Variants in ZNF217 observed in about 807,000 individuals in gnomAD.
ZNF217 encodes the protein zinc finger protein 217.
A neutral mutation model predicts 73.3 loss-of-function variants in ZNF217; 12 were observed. The ratio of observed to expected loss-of-function variants is 0.16; its 90% CI spans 0.10 to 0.27. ZNF217 has a LOEUF of 0.27. Ranked by LOEUF, ZNF217 falls within the 10% of genes least tolerant of loss-of-function variation. The probability of loss-of-function intolerance (pLI) is 1.00; values close to 1 mark genes in which losing one functional copy is unlikely to be tolerated. For missense variants in ZNF217, 1,195 were observed against 1,327.8 expected, an observed-to-expected ratio of 0.90 and a Z score of 1.55; for synonymous variants, 588 against 516.4, an observed-to-expected ratio of 1.14 and a Z score of -1.88.
Position 53,576,312 on chromosome 20 carries a change from G to T in ZNF217, c.2452C>A (p.Leu818Met). The part of the protein sequence containing the change: ...IDSSTLAPSN[L>M]KSHRPQQNVG... ...TTCTGCTGTGGTCTGTGGGACTTCA[G>T]GTTACTTGGGGCTAAAGTGCTAGAG... is the stretch of plus-strand genomic sequence containing the variant. The change falls in exon 4 of 6, where the codon CTG (leucine) becomes ATG (methionine). Residue 818 changes from leucine to methionine, a missense_variant. Leu to Met is a conservative substitution (Grantham distance 15). Coordinates refer to ENST00000371471, the MANE Select transcript of ZNF217 (RefSeq NM_006526.3). 6.2e-7 allele frequency: 1 copy of T among 1,614,226 alleles called. No individual in the cohort carries two copies.
chr20:53,585,222 T>C (rs544794298), intron 1 of ZNF217, among the ~76,000 whole-genome samples: 2 of 151,528 alleles, frequency 1.3e-5, no homozygotes, highest in South Asian at 4.2e-4. Context: ...TCTACTGACA[T>C]CCTTTAGAAA....
chr20:53,575,655 C>T (rs1193942267), intron 4 of ZNF217, 72 bp downstream of exon 4: 1 of 1,416,740 alleles, frequency 7.1e-7, no homozygotes, highest in South Asian at 1.4e-5. Context: ...GTACCATCTC[C>T]ACTGAGAATG....
rs1024546278 is a variant in ZNF217 at position 53,582,984 on chromosome 20, A to C, written c.-158T>G. On this transcript the variant is annotated 5_prime_UTR_variant, in exon 2 of 6. Coordinates refer to ENST00000371471, the MANE Select transcript of ZNF217 (RefSeq NM_006526.3). The surrounding 1 kb of genome is among the most constrained non-coding windows in gnomAD (Gnocchi z 4.8). ...GTGTATAGTCCTCTAACTTCTTCGA[A>C]CTTTTAGGAAGCTCAGTGATGGTGT... 1.4e-6 allele frequency: 1 copy of C among 723,704 alleles called. No individual in the cohort carries two copies. The highest frequency in any genetic ancestry group is 2.8e-5 in the East Asian group (1 of 35,804). The allele number at this position is 723,704 out of a possible 1,614,324, so 44.8% of individuals were successfully genotyped here. A position where few individuals can be genotyped will look rare whatever the true frequency, so the allele number is the denominator to read the frequency against.
chr20:53,582,982 G>T lies in ZNF217; in HGVS notation c.-156C>A. 2 of 720,282 alleles carry T rather than the reference G, an allele frequency of 2.8e-6. No homozygotes were observed. The highest frequency in any genetic ancestry group is 2.2e-5 in the South Asian group (1 of 44,678). The allele number at this position is 720,282 out of a possible 1,614,324, so 44.6% of individuals were successfully genotyped here. A position where few individuals can be genotyped will look rare whatever the true frequency, so the allele number is the denominator to read the frequency against. ...AAGTGTATAGTCCTCTAACTTCTTCGAACTTTTAGGAAGCTCAGTGATGGT... is the reference window on the plus strand; with the variant it reads ...AAGTGTATAGTCCTCTAACTTCTTCTAACTTTTAGGAAGCTCAGTGATGGT... On this transcript the variant is annotated 5_prime_UTR_variant, in exon 2 of 6. Transcript: ENST00000371471. This position sits in a 1 kb window ranked among gnomAD's most constrained non-coding sequence, Gnocchi z 4.8.
intron 1 of ZNF217, among the ~76,000 whole-genome samples, chr20:53,586,916 A>G (rs1291258248): frequency 6.6e-6 from 1 of 152,238 alleles, no homozygotes; most frequent in Non-Finnish European, 1.5e-5. Flanking sequence ...GAAAAGCAGG[A>G]TATTATAATC....
intron 4 of ZNF217, among the ~76,000 whole-genome samples, chr20:53,573,857 G>T (rs1682573811): frequency 6.6e-6 from 1 of 152,174 alleles, no homozygotes; most frequent in South Asian, 2.1e-4. Flanking sequence ...GATCACCTAA[G>T]GTCAGGAGTT....
intron 5 of ZNF217, chr20:53,570,389 C>G (rs968318771): frequency 2.0e-5 from 3 of 153,072 alleles, no homozygotes; most frequent in Non-Finnish European, 4.4e-5. Flanking sequence ...CCACGAGCAT[C>G]TTTTCATCTT....
chr20:53,575,644 G>T lies in ZNF217; in HGVS notation c.3037+83C>A, dbSNP rs1988224013. The T allele has an allele frequency of 2.2e-6, 3 of 1,344,122 alleles. No individual in the cohort carries two copies. The East Asian group carries it at 7.5e-5, about 33-fold the overall frequency. The allele number at this position is 1,344,122 out of a possible 1,614,324, so 83.3% of individuals were successfully genotyped here. ...CTGCCTACCCCCCACCCTTGGGAGT[G>T]GTACCATCTCCACTGAGAATGCCTG... On this transcript the variant is annotated intron_variant, in intron 4 of 5. Transcript: ENST00000371471.
At position 53,581,796 on chromosome 20, in the gene ZNF217, A is replaced by G. The variant is rs2145957268; in HGVS notation, c.1031T>C (p.Leu344Pro). ...TTTGCACTTCTCTTTCTCTTGCGAGAGGCCTGCACAACTGCCCTTATTTGT... is the reference window on the plus strand; with the variant it reads ...TTTGCACTTCTCTTTCTCTTGCGAGGGGCCTGCACAACTGCCCTTATTTGT... ...GETNKGSCAG[L>P]SQEKEKCKHS... The change falls in exon 2 of 6, where the codon CTC becomes CCC. Residue 344 changes from leucine (L) to proline (P), a missense_variant. Physicochemically the swap from Leu to Pro is moderately conservative, Grantham distance 98. This residue lies in a region of ZNF217 where 102 missense variants were observed against 91.9 expected (regional missense o/e 1.11). Coordinates refer to ENST00000371471, the MANE Select transcript of ZNF217 (RefSeq NM_006526.3). This position sits in a 1 kb window ranked among gnomAD's most constrained non-coding sequence, Gnocchi z 4.9. 2 of 1,614,214 alleles carry G rather than the reference A, an allele frequency of 1.2e-6. No homozygotes were observed. The highest frequency in any genetic ancestry group is 1.7e-6 in the Non-Finnish European group (2 of 1,180,038).
upstream of ZNF217, among the ~76,000 whole-genome samples, chr20:53,594,761 C>G (rs960918828): frequency 1.3e-5 from 2 of 152,156 alleles, no homozygotes; most frequent in African/African-American, 4.8e-5. Flanking sequence ...CCTGGGTCAC[C>G]CCGAATTACA....
rs75039525 is a variant in ZNF217 at position 53,569,201 on chromosome 20, C to T, written c.*87G>A. On this transcript the variant is annotated 3_prime_UTR_variant, in exon 6 of 6. Transcript: ENST00000371471. ...GCTTATTTCAGTAGCTTTCACCATT[C>T]GCTTCTCAAAGGATGAAGTAAAATT... The T allele has an allele frequency of 4.8e-3, 6,418 of 1,350,566 alleles. 46 individuals are homozygous for T. The highest frequency in any genetic ancestry group is 0.02 in the Middle Eastern group (95 of 4,744). The allele number at this position is 1,350,566 out of a possible 1,614,324, so 83.7% of individuals were successfully genotyped here. A position where few individuals can be genotyped will look rare whatever the true frequency, so the allele number is the denominator to read the frequency against.
intron 2 of ZNF217, 141 bp from the exon 3 acceptor site, chr20:53,578,591 C>A: frequency 1.8e-6 from 1 of 556,910 alleles, no homozygotes; most frequent in South Asian, 2.7e-5. Flanking sequence ...TAGAACAAAA[C>A]GGCTAGACAC....
chr20:53,571,519 T>C (rs114027124), intron 5 of ZNF217, among the ~76,000 whole-genome samples: 4,005 of 150,640 alleles, frequency 0.027, 181 homozygotes, highest in African/African-American at 0.093. Context: ...ATTTTCCTGC[T>C]TCAGCCTCCT....
chr20:53,589,402 T>C (rs1377381709), intron 1 of ZNF217, among the ~76,000 whole-genome samples: 1 of 152,202 alleles, frequency 6.6e-6, no homozygotes, highest in Non-Finnish European at 1.5e-5. Flanking sequence ...GCTGATACCC[T>C]GGACAGGAAG....
upstream of ZNF217, chr20:53,593,853 C>CGGAGGGGAGGGGGCGGGGAGG (rs1332147814): frequency 1.6e-5 from 2 of 126,258 alleles, no homozygotes; most frequent in Non-Finnish European, 3.3e-5. Context: ...GAGGAGCGGG[C>CGGAGGGGAGGGGGCGGGGAGG]GCGGAGGGGA....
At chr20:53,571,105 T>C (rs1289870370) in intron 5 of ZNF217, among the ~76,000 whole-genome samples, 2 of 152,212 alleles carry the variant, frequency 1.3e-5, no homozygotes, top group African/African-American at 4.8e-5. Flanking sequence ...TAAAACTTTA[T>C]TGATGATGAT....
intron 5 of ZNF217, among the ~76,000 whole-genome samples, chr20:53,571,259 A>G (rs151094125): frequency 2.0e-5 from 3 of 152,230 alleles, no homozygotes; most frequent in East Asian, 1.9e-4. Context: ...CTGTTTTCCT[A>G]TTATCTTCAG....
chr20:53,571,660 A>G, intron 5 of ZNF217, 61 bp downstream of exon 5: 1 of 1,545,780 alleles, frequency 6.5e-7, no homozygotes. Flanking sequence ...GCCCGCCCTG[A>G]CCTCCCAAAT....
chr20:53,573,931 C>T (rs1026700538), intron 4 of ZNF217, among the ~76,000 whole-genome samples: 2 of 151,950 alleles, frequency 1.3e-5, no homozygotes, highest in African/African-American at 4.8e-5. Flanking sequence ...ATTAGGCTGG[C>T]GTGGCGGTGG....
Sources: gnomAD v4.1 joint callset for allele counts (sites outside exome capture counted in the v4.1 genomes callset) on GRCh38, gnomAD v4.1.1 for gene constraint, gnomAD v4.1.1 regional missense constraint, Gnocchi (gnomAD v3.1) non-coding constraint, MANE v1.5 for transcripts, NCBI Gene and HGNC (gene_info 2026-07-23, HGNC 2026-07-21) for gene names.